The following GRID2 variants were observed in gnomAD, a reference collection of about 807,000 sequenced individuals.
The protein encoded by GRID2 is glutamate receptor ionotropic, delta-2.
A neutral mutation model predicts 114.8 loss-of-function variants in GRID2; 33 were observed. That is an observed-to-expected ratio of 0.29 (90% CI 0.22 to 0.38). GRID2 has a LOEUF of 0.38. Among genes scored for constraint, GRID2 ranks in the 10% least tolerant of loss-of-function variants. The pLI is 1.00. For synonymous variants in GRID2, 505 were observed against 449.9 expected (o/e 1.12, Z -1.55); for missense variants, 1,184 against 1,257.7 (o/e 0.94, Z 0.89).
In GRID2 at chr4:93,257,978, G is replaced by GTA. The variant is rs72080884; in HGVS notation, c.1245+19509_1245+19510dup. Among the ~76,000 whole-genome samples, 554 of 139,060 alleles carry GTA rather than the reference G, an allele frequency of 4.0e-3. 5 individuals are homozygous for GTA. The highest frequency in any genetic ancestry group is 0.011 in the South Asian group (49 of 4,494). 91.2% of individuals were successfully genotyped at this position (139,060 alleles called of 152,430 possible). A position where few individuals can be genotyped will look rare whatever the true frequency, so the allele number is the denominator to read the frequency against. ...ATACATATACACACAATATGTGTGT[G>GTA]TATATATATATATATATATATACAC... On this transcript the variant is annotated intron_variant, in intron 8 of 15. Coordinates refer to ENST00000282020, the MANE Select transcript of GRID2 (RefSeq NM_001510.4).
At chr4:92,774,537 T>G (rs1578174199) in intron 2 of GRID2, among the ~76,000 whole-genome samples, 1 of 151,642 alleles carries the variant, frequency 6.6e-6, no homozygotes, top group South Asian at 2.1e-4. Flanking sequence ...AATGAAGGAA[T>G]GAATCAAGAT....
intron 1 of GRID2, among the ~76,000 whole-genome samples, chr4:93,793,633 T>C (rs1293415124): frequency 1.3e-5 from 2 of 152,196 alleles, no homozygotes; most frequent in South Asian, 2.1e-4. Flanking sequence ...AATTGTAATA[T>C]TGAGATACAC....
intron 1 of GRID2, among the ~76,000 whole-genome samples, chr4:93,780,211 C>T (rs778743294): frequency 1.3e-5 from 2 of 152,158 alleles, no homozygotes; most frequent in Admixed American, 6.5e-5. Flanking sequence ...GGTCAAAGGA[C>T]GCCTGACTGA....
intron 14 of GRID2, among the ~76,000 whole-genome samples, chr4:93,704,163 T>C (rs993515654): frequency 6.6e-6 from 1 of 152,152 alleles, no homozygotes; most frequent in Non-Finnish European, 1.5e-5. Context: ...ACCTGTTGTT[T>C]CCTGACTTTT....
At chr4:92,429,303 A>G (rs1393352046) in intron 1 of GRID2, among the ~76,000 whole-genome samples, 1 of 152,090 alleles carries the variant, frequency 6.6e-6, no homozygotes, top group Non-Finnish European at 1.5e-5. Flanking sequence ...TCATAAGTTC[A>G]ATTGTTTTAA....
intron 2 of GRID2, among the ~76,000 whole-genome samples, chr4:92,729,297 C>T (rs571027038): frequency 6.6e-6 from 1 of 152,090 alleles, no homozygotes; most frequent in Non-Finnish European, 1.5e-5. Flanking sequence ...ATCTACTCCA[C>T]TTGTGTCCTC....
At chr4:93,704,991 A>G (rs570461089) in intron 14 of GRID2, among the ~76,000 whole-genome samples, 11 of 152,230 alleles carry the variant, frequency 7.2e-5, no homozygotes, top group Admixed American at 4.6e-4. Flanking sequence ...GCTGGATCAC[A>G]TGGTAACTCT....
intron 8 of GRID2, among the ~76,000 whole-genome samples, chr4:93,377,939 T>C (rs114818763): frequency 0.012 from 1,896 of 152,294 alleles, 45 homozygotes; most frequent in African/African-American, 0.043. Flanking sequence ...ATATCTTGAC[T>C]TATGTCTATA....
intron 1 of GRID2, among the ~76,000 whole-genome samples, chr4:93,803,729 A>C (rs1734979968): frequency 6.6e-6 from 1 of 152,176 alleles, no homozygotes; most frequent in Non-Finnish European, 1.5e-5. Context: ...CTCAAAAAAA[A>C]AAACAAAAAA....
At chr4:93,163,399 TAC>T (rs70942954) in intron 4 of GRID2, among the ~76,000 whole-genome samples, 58 of 49,108 alleles carry the variant, frequency 1.2e-3, no homozygotes, top group African/African-American at 3.4e-3. Context: ...TATATATATA[TAC>T]ACTATATATA....
At chr4:92,478,013 A>G (rs188563414) in intron 1 of GRID2, among the ~76,000 whole-genome samples, 43 of 151,778 alleles carry the variant, frequency 2.8e-4, no homozygotes, top group Non-Finnish European at 4.7e-4. Flanking sequence ...TGTTGACTAA[A>G]TGACTGCATA....
chr4:93,722,963 C>A (rs1729521423), intron 14 of GRID2, among the ~76,000 whole-genome samples: 1 of 152,202 alleles, frequency 6.6e-6, no homozygotes, highest in Non-Finnish European at 1.5e-5. Flanking sequence ...TTATCCCACT[C>A]CAACTTCTCT....
intron 8 of GRID2, among the ~76,000 whole-genome samples, chr4:93,385,303 C>T (rs771783749): frequency 2.6e-5 from 4 of 152,160 alleles, no homozygotes; most frequent in Non-Finnish European, 5.9e-5. Flanking sequence ...GAAACCCTCT[C>T]TTGTTCATCA....
intron 8 of GRID2, among the ~76,000 whole-genome samples, chr4:93,348,369 A>G (rs1012343476): frequency 2.0e-5 from 3 of 152,212 alleles, no homozygotes; most frequent in Non-Finnish European, 4.4e-5. Context: ...TGAAAGTGAA[A>G]CATCAGTTTA....
chr4:93,092,276 G>A (rs1234678444), intron 3 of GRID2, among the ~76,000 whole-genome samples: 2 of 152,078 alleles, frequency 1.3e-5, no homozygotes, highest in Non-Finnish European at 2.9e-5. Context: ...CTGAAAACAT[G>A]ACGCAGATTA....
At chr4:93,166,029 G>A (rs771707070) in intron 4 of GRID2, 14 of 152,048 alleles carry the variant, frequency 9.2e-5, no homozygotes, top group African/African-American at 3.4e-4. Flanking sequence ...AAGGCATTAC[G>A]TTATAAAATA....
chr4:92,556,173 C>T (rs1305288854), intron 1 of GRID2, among the ~76,000 whole-genome samples: 1 of 152,020 alleles, frequency 6.6e-6, no homozygotes, highest in Non-Finnish European at 1.5e-5. Context: ...CTTCACAAGC[C>T]AATAAATTCT....
intron 14 of GRID2, among the ~76,000 whole-genome samples, chr4:93,735,073 A>G (rs1267442457): frequency 6.6e-6 from 1 of 152,052 alleles, no homozygotes; most frequent in Non-Finnish European, 1.5e-5. Context: ...TGAGACCAAG[A>G]TGCATCGTCA....
chr4:92,581,082 T>C (rs1728162969), intron 1 of GRID2, among the ~76,000 whole-genome samples: 1 of 151,914 alleles, frequency 6.6e-6, no homozygotes, highest in African/African-American at 2.4e-5. Context: ...AAGGTTCTGG[T>C]TGAATCTTCA....
Sources: allele counts gnomAD v4.1 joint callset (sites outside exome capture counted in the v4.1 genomes callset), GRCh38; gene constraint gnomAD v4.1.1; transcripts MANE v1.5; gene names NCBI Gene and HGNC (gene_info 2026-07-23, HGNC 2026-07-21).